The following INSR variants were observed in gnomAD, a reference collection of about 807,000 sequenced individuals.
INSR encodes the protein IR.
INSR carries 67 observed loss-of-function variants against 142.6 expected under a neutral mutation model. The ratio of observed to expected loss-of-function variants is 0.47; its 90% CI spans 0.39 to 0.58. The LOEUF is 0.58. INSR is among the 20% of genes least tolerant of loss of function. The probability of loss-of-function intolerance (pLI) is 0.00; values close to 1 mark genes in which losing one functional copy is unlikely to be tolerated. For synonymous variants in INSR, 756 were observed against 743.1 expected, an observed-to-expected ratio of 1.02 and a Z score of -0.28; for missense variants, 1,248 against 1,833.2, an observed-to-expected ratio of 0.68 and a Z score of 5.83.
chr19:7,222,787 G>A (rs1425521454), intron 2 of INSR, among the ~76,000 whole-genome samples: 1 of 152,156 alleles, frequency 6.6e-6, no homozygotes, highest in East Asian at 1.9e-4. Context: ...AGGTAACTAC[G>A]CTTCCTTAGA....
intron 17 of INSR, 185 bp from the exon 18 acceptor site, chr19:7,123,174 T>G (rs1297248306): frequency 3.4e-6 from 2 of 594,090 alleles, no homozygotes; most frequent in Non-Finnish European, 6.0e-6. Context: ...TTGTATTTTT[T>G]TTTTTTTAAT....
intron 2 of INSR, among the ~76,000 whole-genome samples, chr19:7,209,137 G>A (rs573236036): frequency 6.6e-6 from 1 of 152,188 alleles, no homozygotes; most frequent in Non-Finnish European, 1.5e-5. Context: ...TCCAGCCTGG[G>A]CGACAGAGCA....
At chr19:7,194,793 A>G (rs1434991178) in intron 2 of INSR, among the ~76,000 whole-genome samples, 3 of 151,220 alleles carry the variant, frequency 2.0e-5, no homozygotes, top group African/African-American at 7.3e-5. Flanking sequence ...TACAGGTGTG[A>G]GCCACCGCGC....
At chr19:7,220,673 A>G (rs1461249940) in intron 2 of INSR, among the ~76,000 whole-genome samples, 1 of 152,226 alleles carries the variant, frequency 6.6e-6, no homozygotes, top group Non-Finnish European at 1.5e-5. Flanking sequence ...CTAACAGAGC[A>G]TATGTTATGC....
In INSR at chr19:7,184,507, G is replaced by C. The variant is rs891087; in HGVS notation, c.783C>G (p.Asp261Glu). 3.1e-6 allele frequency: 5 copies of C among 1,613,740 alleles called. No individual in the cohort carries two copies. Among genetic ancestry groups the C allele is most frequent in the Non-Finnish European group, 3.4e-6 (4 of 1,179,966 alleles). Reference sequence around the variant, plus strand: ...GCGGGCAGGTCTCCACACACCTGCCGTCCAGGTAGAAGTTGCGGCAGGCCA... The same window carrying C: ...GCGGGCAGGTCTCCACACACCTGCCCTCCAGGTAGAAGTTGCGGCAGGCCA... ...KCVACRNFYL[D>E]GRCVETCPPP... Residue 261 changes from aspartate (D) to glutamate (E), a missense_variant, in exon 3 of 22, where the codon GAC becomes GAG. Transcript: ENST00000302850.
rs1973301675 is a variant in INSR, at chr19:7,150,204, G to A, written c.2267+293C>T. Among the ~76,000 whole-genome samples, 1 of 152,154 alleles carries A rather than the reference G, an allele frequency of 6.6e-6. No individual in the cohort carries two copies. The highest frequency in any genetic ancestry group is 1.9e-4 in the East Asian group (1 of 5,166). ...CGCGGGAGGTGCAGAGATGTTTAGT[G>A]AGCAAACAGTGGCTGCAAACAGAAG... On this transcript the variant is annotated intron_variant, in intron 11 of 21. Transcript: ENST00000302850. The surrounding 1 kb of genome is among the most constrained non-coding windows in gnomAD (Gnocchi z 4.2).
intron 4 of INSR, among the ~76,000 whole-genome samples, chr19:7,173,583 G>T (rs998305961): frequency 2.1e-5 from 3 of 145,298 alleles, no homozygotes; most frequent in Non-Finnish European, 1.5e-5. Flanking sequence ...CAAAGTGCTG[G>T]GATTACAGGC....
intron 2 of INSR, among the ~76,000 whole-genome samples, chr19:7,189,147 C>T (rs1482037134): frequency 6.7e-6 from 1 of 148,184 alleles, no homozygotes; most frequent in African/African-American, 2.5e-5. Flanking sequence ...GATCCAGGAC[C>T]CACGGAGTTC....
At chr19:7,171,831 C>T (rs1004907907) in intron 5 of INSR, among the ~76,000 whole-genome samples, 18 of 151,798 alleles carry the variant, frequency 1.2e-4, no homozygotes, top group Non-Finnish European at 2.4e-4. Context: ...TCTTTTTTCC[C>T]GAGGTTTTGC....
chr19:7,237,818 A>C (rs1284743290), intron 2 of INSR, among the ~76,000 whole-genome samples: 1 of 151,890 alleles, frequency 6.6e-6, no homozygotes, highest in African/African-American at 2.4e-5. Context: ...TCCATCTCAA[A>C]AAAATAAATA....
intron 2 of INSR, among the ~76,000 whole-genome samples, chr19:7,207,285 A>G (rs142407017): frequency 0.079 from 12,088 of 152,076 alleles, 664 homozygotes; most frequent in Non-Finnish European, 0.12. Flanking sequence ...GCATGGTGGC[A>G]TGCACCTGTA....
At chr19:7,270,337 T>TCACACACACA (rs1334553477) in intron 1 of INSR, among the ~76,000 whole-genome samples, 1,119 of 95,548 alleles carry the variant, frequency 0.012, 8 homozygotes, top group African/African-American at 0.043. Flanking sequence ...TCTCTCTCTC[T>TCACACACACA]CTCACACACA....
intron 2 of INSR, among the ~76,000 whole-genome samples, chr19:7,224,549 G>A (rs1975720576): frequency 1.3e-5 from 2 of 152,162 alleles, no homozygotes; most frequent in Non-Finnish European, 2.9e-5. Flanking sequence ...ACTTGCCGAC[G>A]GCCCCACTCC....
At chr19:7,206,681 A>C (rs570919946) in intron 2 of INSR, among the ~76,000 whole-genome samples, 2 of 152,236 alleles carry the variant, frequency 1.3e-5, no homozygotes, top group East Asian at 3.9e-4. Flanking sequence ...AGAACCCAGG[A>C]GGAGGAGGTT....
At chr19:7,135,039 G>A (rs1469844735) in intron 13 of INSR, among the ~76,000 whole-genome samples, 4 of 148,472 alleles carry the variant, frequency 2.7e-5, no homozygotes, top group Non-Finnish European at 4.4e-5. Flanking sequence ...GCAGAGAACC[G>A]GGCTGGAACA....
chr19:7,183,604 T>A (rs1974333038), intron 3 of INSR, among the ~76,000 whole-genome samples: 1 of 151,994 alleles, frequency 6.6e-6, no homozygotes, highest in Admixed American at 6.6e-5. Flanking sequence ...AGGCTACAGG[T>A]CAGGGAAGAC....
chr19:7,152,967 G>A, intron 9 of INSR, 40 bp from the exon 10 acceptor site: 2 of 1,441,362 alleles, frequency 1.4e-6, no homozygotes, highest in Non-Finnish European at 1.9e-6. Flanking sequence ...AAGTCTCTGC[G>A]GCTGAACACA....
chr19:7,136,175 T>C (rs1599887324), intron 13 of INSR, among the ~76,000 whole-genome samples: 1 of 152,074 alleles, frequency 6.6e-6, no homozygotes, highest in East Asian at 1.9e-4. Context: ...TTGTCATGGC[T>C]AATTTGGGGC....
In INSR at chr19:7,125,246, G is replaced by A. The variant is rs762445345; in HGVS notation, c.3258+37C>T. The stretch of plus-strand genomic sequence containing the variant: ...AGGAGGCAGAGAAAGGGAAGGGTCA[G>A]GAAAGCCAGCCCATGTCCCACCCCC... On this transcript the variant is annotated intron_variant, in intron 17 of 21. Coordinates refer to ENST00000302850, the MANE Select transcript of INSR (RefSeq NM_000208.4). This position sits in a 1 kb window ranked among gnomAD's most constrained non-coding sequence, Gnocchi z 4.9. 4.3e-6 allele frequency: 7 copies of A among 1,612,994 alleles called. No homozygotes were observed. Among genetic ancestry groups the A allele is most frequent in the Non-Finnish European group, 1.7e-6 (2 of 1,179,930 alleles).
Sources: allele counts gnomAD v4.1 joint callset (sites outside exome capture counted in the v4.1 genomes callset), GRCh38; gene constraint gnomAD v4.1.1; non-coding constraint Gnocchi (gnomAD v3.1); transcripts MANE v1.5; gene names NCBI Gene and HGNC (gene_info 2026-07-23, HGNC 2026-07-21).